DMD: variants seen among roughly 807,000 people sequenced by gnomAD.
The protein encoded by DMD is mutant dystrophin.
In DMD, 63 loss-of-function variants were observed where a neutral mutation model predicts 330.1. The ratio of observed to expected loss-of-function variants is 0.19; its 90% CI spans 0.16 to 0.24. The LOEUF (loss-of-function observed/expected upper bound fraction) is 0.24, where lower values mean the gene tolerates loss of function less well. DMD is among the 10% of genes least tolerant of loss of function. DMD has a pLI of 1.00. For synonymous variants in DMD, 1,223 were observed against 959.8 expected (o/e 1.27, Z -5.07); for missense variants, 3,344 against 2,684.1 (o/e 1.25, Z -5.43).
At chrX:31,530,085 T>A (rs1012108142) in intron 55 of DMD, among the ~76,000 whole-genome samples, 1 of 111,754 alleles carries the variant, frequency 8.9e-6, no homozygotes, top group Non-Finnish European at 1.9e-5. Flanking sequence ...TCCCCCTGTA[T>A]TTCATACCTG....
At chrX:32,184,010 C>G (rs768420182) in intron 44 of DMD, among the ~76,000 whole-genome samples, 1 of 110,193 alleles carries the variant, frequency 9.1e-6, no homozygotes, top group Non-Finnish European at 1.9e-5. Flanking sequence ...AATCCGCATT[C>G]GAAATGTACT....
intron 9 of DMD, among the ~76,000 whole-genome samples, chrX:32,692,522 A>G (rs780401734): frequency 2.1e-4 from 23 of 111,122 alleles, no homozygotes; most frequent in African/African-American, 7.5e-4. Context: ...AGAGTGAAAA[A>G]TCTCCTCTGC....
At chrX:31,979,921 T>A (rs2095465229) in intron 44 of DMD, among the ~76,000 whole-genome samples, 1 of 112,612 alleles carries the variant, frequency 8.9e-6, no homozygotes, top group Admixed American at 9.4e-5. Flanking sequence ...TCTATATGAA[T>A]GTCCAATAAA....
At chrX:32,170,472 A>AAAT (rs1158251348) in intron 44 of DMD, among the ~76,000 whole-genome samples, 9 of 107,108 alleles carry the variant, frequency 8.4e-5, no homozygotes, top group Admixed American at 2.1e-4. Context: ...ACTCCATCTC[A>AAAT]AATAATAATA....
intron 63 of DMD, among the ~76,000 whole-genome samples, chrX:31,233,793 A>C (rs1237126648): frequency 8.9e-6 from 1 of 111,952 alleles, no homozygotes; most frequent in East Asian, 2.8e-4. Flanking sequence ...ATTTCAACAT[A>C]TGATCTTTCT....
chrX:32,745,050 A>T (rs1446825873), intron 7 of DMD, among the ~76,000 whole-genome samples: 1 of 111,875 alleles, frequency 8.9e-6, no homozygotes, highest in Non-Finnish European at 1.9e-5. Context: ...TGAGATGTAG[A>T]TTGTTATTGC....
At chrX:32,472,141 T>A (rs374400172) in intron 22 of DMD, 23 bp downstream of exon 22, 36 of 1,206,607 alleles carry the variant, frequency 3.0e-5, no homozygotes, top group Non-Finnish European at 3.6e-5. Context: ...CTTTATTGTT[T>A]TGACATTCAA....
chrX:32,005,594 C>G (rs1178585209), intron 44 of DMD, among the ~76,000 whole-genome samples: 1 of 110,599 alleles, frequency 9.0e-6, no homozygotes, highest in Non-Finnish European at 1.9e-5. Context: ...GAATAGTTCA[C>G]TGCCTGGGGA....
At chrX:31,351,832 G>A (rs1015933155) in intron 60 of DMD, among the ~76,000 whole-genome samples, 13 of 108,658 alleles carry the variant, frequency 1.2e-4, no homozygotes, top group Admixed American at 1.2e-3. Flanking sequence ...TATGTGGCAT[G>A]ACAATATGAA....
At position 33,241,320 on chromosome X, in the gene DMD, C is replaced by T. The variant is rs183656692; in HGVS notation, c.7+97939G>A. Reference sequence around the variant, plus strand: ...CATTTATTGAGAAGATTGTTCTTTTCGCATTGGATATACCTGGTACCATTG... The same window carrying T: ...CATTTATTGAGAAGATTGTTCTTTTTGCATTGGATATACCTGGTACCATTG... On this transcript the variant is annotated intron_variant, in intron 1 of 17. Transcript: ENST00000288447. Among the ~76,000 whole-genome samples the T allele has an allele frequency of 1.5e-3, 166 of 111,955 alleles. No individual in the cohort carries two copies. In the East Asian group the frequency reaches 0.041, roughly 28 times the overall value.
chrX:31,609,450 GTCT>G lies in DMD; in HGVS notation c.8217+18220_8217+18222del, dbSNP rs201796098. On this transcript the variant is annotated intron_variant, in intron 55 of 78. Transcript: ENST00000357033. The stretch of plus-strand genomic sequence containing the variant: ...TCCTGTAAGACAACCAGAGCAAAAA[GTCT>G]TCTTAGTCAGATACACCATGTAGGC... Among the ~76,000 whole-genome samples, 6,181 of 111,841 alleles carry G rather than the reference GTCT, an allele frequency of 0.055. 182 individuals carry two copies. The highest frequency in any genetic ancestry group is 0.085 in the Non-Finnish European group (4,531 of 53,050).
rs893387551 is a variant in DMD at position 32,748,684 on chromosome X, G to T, written c.650-49391C>A. Among the ~76,000 whole-genome samples the T allele has an allele frequency of 6.2e-5, 7 of 112,057 alleles. No homozygotes were observed. In the Admixed American group the frequency reaches 6.6e-4, roughly 11 times the overall value. On this transcript the variant is annotated intron_variant, in intron 7 of 78. Transcript: ENST00000357033. ...GTATATCAACATGCAAATTAAAACA[G>T]ATTATCAATACATAGGGATTGACTA... is the stretch of plus-strand genomic sequence containing the variant.
At chrX:32,527,739 T>A (rs1281130131) in intron 17 of DMD, among the ~76,000 whole-genome samples, 1 of 111,401 alleles carries the variant, frequency 9.0e-6, no homozygotes, top group Non-Finnish European at 1.9e-5. Context: ...TTATTATATT[T>A]TTGGAATTAC....
chrX:32,762,536 G>A (rs1171936966), intron 7 of DMD, among the ~76,000 whole-genome samples: 1 of 111,566 alleles, frequency 9.0e-6, no homozygotes, highest in Non-Finnish European at 1.9e-5. Context: ...ATAGGATACA[G>A]GAATGGCTGG....
rs190334133 is a variant in DMD, at chrX:32,508,570, G to A, written c.2293-6728C>T. ...AGTACTTCGACCTTTCTGAACCTCA[G>A]TATTTCCTATGTAAAATAGCAATAA... On this transcript the variant is annotated intron_variant, in intron 18 of 78. Coordinates refer to ENST00000357033, the MANE Select transcript of DMD (RefSeq NM_004006.3). 3.6e-5 allele frequency among the ~76,000 whole-genome samples: 4 copies of A among 111,497 alleles called. No individual in the cohort carries two copies. In the East Asian group the frequency reaches 1.1e-3, roughly 32 times the overall value.
intron 60 of DMD, among the ~76,000 whole-genome samples, chrX:31,365,241 T>A (rs1569533185): frequency 9.0e-6 from 1 of 111,064 alleles, no homozygotes; most frequent in Non-Finnish European, 1.9e-5. Context: ...TTGCTAATAT[T>A]AGGAAAAGAG....
intron 44 of DMD, among the ~76,000 whole-genome samples, chrX:32,043,620 T>C (rs1312738332): frequency 8.9e-6 from 1 of 111,959 alleles, no homozygotes; most frequent in Non-Finnish European, 1.9e-5. Flanking sequence ...GTCCTAAGTA[T>C]ATTATATACA....
intron 38 of DMD, among the ~76,000 whole-genome samples, chrX:32,347,083 A>T (rs1195729390): frequency 8.9e-6 from 1 of 111,802 alleles, no homozygotes; most frequent in Non-Finnish European, 1.9e-5. Context: ...TCAACACGCA[A>T]CTGAGGACTG....
At chrX:32,937,837 C>G (rs1034790887) in intron 2 of DMD, among the ~76,000 whole-genome samples, 4 of 110,521 alleles carry the variant, frequency 3.6e-5, no homozygotes, top group Non-Finnish European at 7.6e-5. Context: ...ATATAGATTT[C>G]TGGAGTAAAA....
Sources: allele counts gnomAD v4.1 joint callset (sites outside exome capture counted in the v4.1 genomes callset), GRCh38; gene constraint gnomAD v4.1.1; transcripts MANE v1.5; gene names NCBI Gene and HGNC (gene_info 2026-07-23, HGNC 2026-07-21).